Variants in GPATCH8 observed in about 807,000 individuals in gnomAD.
The protein encoded by GPATCH8 is G-patch domain containing 8, also known as G patch domain-containing protein 8.
In GPATCH8, 18 loss-of-function variants were observed where a neutral mutation model predicts 118.3. The observed-to-expected ratio is 0.15, with a 90% CI of 0.11 to 0.23. The LOEUF (loss-of-function observed/expected upper bound fraction) is 0.23, where lower values mean the gene tolerates loss of function less well. Ranked by LOEUF, GPATCH8 falls within the 10% of genes least tolerant of loss-of-function variation. GPATCH8 has a pLI of 1.00. For synonymous variants in GPATCH8, 659 were observed against 684.7 expected (o/e 0.96, Z 0.59); for missense variants, 1,631 against 1,873.8 (o/e 0.87, Z 2.39).
intron 2 of GPATCH8, among the ~76,000 whole-genome samples, chr17:44,466,276 G>A (rs1283948206): frequency 6.6e-6 from 1 of 152,046 alleles, no homozygotes; most frequent in African/African-American, 2.4e-5. Flanking sequence ...TCAAAGTACT[G>A]GGATTACAGG....
At chr17:44,469,976 A>G (rs560787261) in intron 2 of GPATCH8, among the ~76,000 whole-genome samples, 1 of 152,340 alleles carries the variant, frequency 6.6e-6, no homozygotes, top group Admixed American at 6.5e-5. Flanking sequence ...CAAATCCTTA[A>G]GATGCGCAAA....
In GPATCH8 at chr17:44,396,882, A is replaced by G. The variant is rs2048797882; in HGVS notation, c.*686T>C. The G allele has an allele frequency of 2.2e-6, 1 of 454,194 alleles. No homozygotes were observed. The highest frequency in any genetic ancestry group is 6.9e-5 in the East Asian group (1 of 14,406). 28.1% of individuals were successfully genotyped at this position (454,194 alleles called of 1,614,324 possible). A position where few individuals can be genotyped will look rare whatever the true frequency, so the allele number is the denominator to read the frequency against. On this transcript the variant is annotated 3_prime_UTR_variant, in exon 8 of 8. Coordinates refer to ENST00000591680, the MANE Select transcript of GPATCH8 (RefSeq NM_001002909.4). The stretch of plus-strand genomic sequence containing the variant: ...TCTCTGGGCCATACAGCTTTTATTC[A>G]TGATAGGATCTTCTTTTCTGGGATA...
chr17:44,475,545 T>C (rs954513997), intron 1 of GPATCH8, among the ~76,000 whole-genome samples: 2 of 150,388 alleles, frequency 1.3e-5, no homozygotes, highest in African/African-American at 4.9e-5. Flanking sequence ...ATACAAAAAA[T>C]TAGCTGGGCG....
chr17:44,420,097 C>T (rs1251002809), intron 6 of GPATCH8, among the ~76,000 whole-genome samples: 1 of 151,284 alleles, frequency 6.6e-6, no homozygotes, highest in Non-Finnish European at 1.5e-5. Flanking sequence ...AACTCACATG[C>T]ATTCATTCAT....
chr17:44,462,784 C>T (rs1385134228), intron 3 of GPATCH8, among the ~76,000 whole-genome samples: 1 of 151,914 alleles, frequency 6.6e-6, no homozygotes, highest in Non-Finnish European at 1.5e-5. Flanking sequence ...AGATCGAGAC[C>T]ATCCTGGCTA....
chr17:44,400,219 C>T lies in GPATCH8; in HGVS notation c.1858G>A (p.Glu620Lys), dbSNP rs2603040. 3.7e-6 allele frequency: 6 copies of T among 1,614,056 alleles called. No individual in the cohort carries two copies. Among genetic ancestry groups the T allele is most frequent in the Non-Finnish European group, 5.1e-6 (6 of 1,180,054 alleles). ...EPNKSKEVGG[E>K]KIVRSSGGRM... is the part of the protein sequence containing the mutation. Reference sequence around the variant, plus strand: ...CCTCCTGAGGAACGTACTATTTTCTCTCCGCCCACTTCCTTGCTTTTATTT... The same window carrying T: ...CCTCCTGAGGAACGTACTATTTTCTTTCCGCCCACTTCCTTGCTTTTATTT... The change falls in exon 8 of 8, where the codon GAG becomes AAG. Residue 620 changes from glutamate (E) to lysine (K), a missense_variant. This residue lies in a region of GPATCH8 where 922 missense variants were observed against 879.7 expected (regional missense o/e 1.05). Coordinates refer to ENST00000591680, the MANE Select transcript of GPATCH8 (RefSeq NM_001002909.4).
At chr17:44,482,083 T>G (rs1055377498) in intron 1 of GPATCH8, among the ~76,000 whole-genome samples, 1 of 152,016 alleles carries the variant, frequency 6.6e-6, no homozygotes, top group East Asian at 1.9e-4. Flanking sequence ...GTGTCGCCAC[T>G]GCACTCCAGC....
At chr17:44,429,690 C>CAACA (rs71136014) in intron 5 of GPATCH8, among the ~76,000 whole-genome samples, 1,760 of 75,162 alleles carry the variant, frequency 0.023, 42 homozygotes, top group African/African-American at 0.057. Flanking sequence ...ACACACAAAA[C>CAACA]AACAAACAAA....
chr17:44,395,882 T>C lies in GPATCH8; in HGVS notation c.*1686A>G, dbSNP rs1364835554. The stretch of plus-strand genomic sequence containing the variant: ...ATGGGACCTGCAACACAAGCACCTT[T>C]GGGTCAGTGTGTTAATTAGGGCTGA... On this transcript the variant is annotated 3_prime_UTR_variant, in exon 8 of 8. Coordinates refer to ENST00000591680, the MANE Select transcript of GPATCH8 (RefSeq NM_001002909.4). 1 of 454,136 alleles carries C rather than the reference T, an allele frequency of 2.2e-6. No homozygotes were observed. The highest frequency in any genetic ancestry group is 6.9e-5 in the East Asian group (1 of 14,396). 28.1% of individuals were successfully genotyped at this position (454,136 alleles called of 1,614,324 possible).
chr17:44,414,317 C>G (rs1477830626), intron 6 of GPATCH8, among the ~76,000 whole-genome samples: 1 of 151,860 alleles, frequency 6.6e-6, no homozygotes, highest in East Asian at 1.9e-4. Context: ...ACCCCACCCC[C>G]CTTTTTTGGA....
At chr17:44,465,355 C>T (rs936388907) in intron 2 of GPATCH8, 1 of 152,040 alleles carries the variant, frequency 6.6e-6, no homozygotes, top group Non-Finnish European at 1.5e-5. Flanking sequence ...GTCTCATCTT[C>T]CCAGGAGCAC....
At chr17:44,470,573 T>C (rs1967203078) in intron 2 of GPATCH8, among the ~76,000 whole-genome samples, 1 of 146,580 alleles carries the variant, frequency 6.8e-6, no homozygotes, top group Admixed American at 6.9e-5. Context: ...CTCGACTCAC[T>C]GCAACCTCTG....
At chr17:44,473,848 A>G (rs1967510181) in intron 2 of GPATCH8, 1 of 152,226 alleles carries the variant, frequency 6.6e-6, no homozygotes, top group Admixed American at 6.5e-5. Flanking sequence ...CACCAACCTA[A>G]TTAGGAACAT....
intron 1 of GPATCH8, among the ~76,000 whole-genome samples, chr17:44,479,831 G>A (rs917672055): frequency 1.6e-4 from 25 of 152,030 alleles, no homozygotes; most frequent in Non-Finnish European, 2.1e-4. Context: ...GCCGGGCATG[G>A]TGGTGCGTGC....
Position 44,397,978 on chromosome 17 carries a change from C to T in GPATCH8, c.4099G>A (p.Ala1367Thr). ...ACAGTTGTGATGGAGGTGGCAGAGGCTGTAGCTGGCTGCTGAATGTGGATG... is the reference window on the plus strand; with the variant it reads ...ACAGTTGTGATGGAGGTGGCAGAGGTTGTAGCTGGCTGCTGAATGTGGATG... ...QPIHIQQPAT[A>T]SATSITTVQH... The change falls in exon 8 of 8, where the codon GCC becomes ACC. Residue 1367 changes from alanine (A) to threonine (T), a missense_variant. Ala to Thr is a moderately conservative substitution (Grantham distance 58). Transcript: ENST00000591680. The T allele has an allele frequency of 6.2e-7, 1 of 1,614,056 alleles. No homozygotes were observed. The highest frequency in any genetic ancestry group is 2.2e-5 in the East Asian group (1 of 44,874).
rs781181407 is a variant in GPATCH8, at chr17:44,401,082, G to A, written c.995C>T (p.Thr332Ile). 6.8e-6 allele frequency: 11 copies of A among 1,614,012 alleles called. No individual in the cohort carries two copies. The highest frequency in any genetic ancestry group is 4.4e-5 in the South Asian group (4 of 91,082). Reference sequence around the variant, plus strand: ...GTCAGAACTCTTCTCATCGGGTTTTGTTCCATCTTCAGAGGTCCCTTCCTC... The same window carrying A: ...GTCAGAACTCTTCTCATCGGGTTTTATTCCATCTTCAGAGGTCCCTTCCTC... The part of the protein sequence containing the change: ...HAEEGTSEDG[T>I]KPDEKSSDQG... The change falls in exon 8 of 8, where the codon ACA (threonine) becomes ATA (isoleucine). Residue 332 changes from threonine to isoleucine, a missense_variant. Thr to Ile is a moderately conservative substitution (Grantham distance 89). Around this residue, in one of 8 missense-constraint regions of GPATCH8, gnomAD observed 405 missense variants for 462.7 expected, o/e 0.88. Transcript: ENST00000591680.
chr17:44,458,471 A>G lies in GPATCH8; in HGVS notation c.193+6001T>C, dbSNP rs115059815. Among the ~76,000 whole-genome samples the G allele has an allele frequency of 4.8e-3, 735 of 152,228 alleles. 6 individuals are homozygous for G. Among genetic ancestry groups the G allele is most frequent in the African/African-American group, 0.017 (712 of 41,524 alleles). ...CTTTGCCTATAATGAGATATTACAG[A>G]TATTTTCCCCAGTCTGTTTGTTGAC... is the stretch of plus-strand genomic sequence containing the variant. On this transcript the variant is annotated intron_variant, in intron 3 of 7. Coordinates refer to ENST00000591680, the MANE Select transcript of GPATCH8 (RefSeq NM_001002909.4).
At chr17:44,457,465 T>C (rs2051377813) in intron 3 of GPATCH8, among the ~76,000 whole-genome samples, 1 of 152,192 alleles carries the variant, frequency 6.6e-6, no homozygotes, top group African/African-American at 2.4e-5. Context: ...ATGTGTGAGA[T>C]GTCTGGAGAT....
At chr17:44,417,989 G>A (rs2049750223) in intron 6 of GPATCH8, among the ~76,000 whole-genome samples, 1 of 152,088 alleles carries the variant, frequency 6.6e-6, no homozygotes, top group African/African-American at 2.4e-5. Flanking sequence ...ATAATGTGAA[G>A]GCCAGATAAA....
Sources: gnomAD v4.1 joint callset for allele counts (sites outside exome capture counted in the v4.1 genomes callset) on GRCh38, gnomAD v4.1.1 for gene constraint, gnomAD v4.1.1 regional missense constraint, MANE v1.5 for transcripts, NCBI Gene and HGNC (gene_info 2026-07-23, HGNC 2026-07-21) for gene names.